The following CLIC5 variants were observed in gnomAD, a reference collection of about 807,000 sequenced individuals.
The protein encoded by CLIC5 is CLIC family member 5.
CLIC5 carries 20 observed loss-of-function variants against 24.7 expected under a neutral mutation model. That is an observed-to-expected ratio of 0.81 (90% confidence interval 0.57 to 1.18). The LOEUF (loss-of-function observed/expected upper bound fraction) is 1.18, where lower values mean the gene tolerates loss of function less well. Among genes scored for constraint, CLIC5 ranks in the 50% most tolerant of loss-of-function variants. The probability of loss-of-function intolerance (pLI) is 0.00; values close to 1 mark genes in which losing one functional copy is unlikely to be tolerated. For synonymous variants in CLIC5, 159 were observed against 135.6 expected (o/e 1.17, Z -1.20); for missense variants, 341 against 326.1 (o/e 1.05, Z -0.35).
chr6:45,913,263 A>G (rs1762885942), intron 5 of CLIC5, among the ~76,000 whole-genome samples: 1 of 152,208 alleles, frequency 6.6e-6, no homozygotes, highest in Non-Finnish European at 1.5e-5. Flanking sequence ...CGTAAAATAG[A>G]GCACAGTATG....
intron 3 of CLIC5, 30 bp downstream of exon 3, chr6:45,949,226 C>A: frequency 1.2e-6 from 2 of 1,604,644 alleles, no homozygotes; most frequent in Non-Finnish European, 1.7e-6. Flanking sequence ...CCTTCCCATT[C>A]AACAGCCCCA....
At chr6:45,958,736 C>T (rs1764751332) in intron 1 of CLIC5, among the ~76,000 whole-genome samples, 2 of 151,442 alleles carry the variant, frequency 1.3e-5, no homozygotes, top group South Asian at 4.2e-4. Context: ...TTCATGTGAG[C>T]TCTCTCCATA....
At chr6:45,912,211 G>A in intron 5 of CLIC5, 1 of 987,696 alleles carries the variant, frequency 1.0e-6, no homozygotes, top group Non-Finnish European at 1.2e-6. Context: ...AACTTTAGAG[G>A]TTTGCCAGGT....
chr6:45,905,317 A>G (rs1437386086), intron 5 of CLIC5, among the ~76,000 whole-genome samples: 3 of 152,208 alleles, frequency 2.0e-5, no homozygotes, highest in Admixed American at 1.3e-4. Flanking sequence ...TGACTGAACT[A>G]ATTTACATTC....
At chr6:46,092,654 T>C in the CLIC5 span, among the ~76,000 whole-genome samples, 1 of 150,694 alleles carries the variant, frequency 6.6e-6, no homozygotes, top group African/African-American at 2.4e-5. Flanking sequence ...TGTGTGTGTA[T>C]ACATATCTGT....
At chr6:46,010,720 T>C (rs79241874) in intron 1 of CLIC5, among the ~76,000 whole-genome samples, 9,382 of 152,206 alleles carry the variant, frequency 0.062, 465 homozygotes, top group African/African-American at 0.14. Context: ...ACTTCAAATA[T>C]GCATCATACA....
the CLIC5 span, among the ~76,000 whole-genome samples, chr6:46,096,639 G>C: frequency 6.6e-6 from 1 of 152,192 alleles, no homozygotes; most frequent in Non-Finnish European, 1.5e-5. Flanking sequence ...AGATGCAAGA[G>C]AGCATACTCC....
chr6:45,949,200 T>A (rs1310196723), intron 3 of CLIC5, 56 bp downstream of exon 3: 2 of 1,570,362 alleles, frequency 1.3e-6, no homozygotes, highest in Non-Finnish European at 1.7e-6. Flanking sequence ...CAGGACTTTA[T>A]AGATCCAGCA....
chr6:46,120,611 G>A, the CLIC5 span, among the ~76,000 whole-genome samples: 3 of 152,206 alleles, frequency 2.0e-5, no homozygotes, highest in Non-Finnish European at 4.4e-5. Context: ...AGAGAAGAAG[G>A]CTTCAGATGA....
At chr6:45,997,906 G>C (rs1766209880) in intron 1 of CLIC5, among the ~76,000 whole-genome samples, 1 of 152,224 alleles carries the variant, frequency 6.6e-6, no homozygotes, top group African/African-American at 2.4e-5. Context: ...TTAAGCCCAG[G>C]ACCCAGCAGG....
chr6:46,013,521 A>G (rs1332773320), intron 1 of CLIC5, among the ~76,000 whole-genome samples: 1 of 152,202 alleles, frequency 6.6e-6, no homozygotes, highest in East Asian at 1.9e-4. Flanking sequence ...TCTCCCCATC[A>G]ATCTGGTTTT....
intron 4 of CLIC5, among the ~76,000 whole-genome samples, chr6:45,929,833 C>T (rs1763657918): frequency 6.6e-6 from 1 of 152,202 alleles, no homozygotes; most frequent in African/African-American, 2.4e-5. Flanking sequence ...GAGCATGCTA[C>T]AGGGTAATTA....
intron 6 of CLIC5, among the ~76,000 whole-genome samples, chr6:45,886,595 C>T (rs1169772164): frequency 1.3e-5 from 2 of 152,078 alleles, no homozygotes; most frequent in Non-Finnish European, 2.9e-5. Context: ...AGCCAAGTGC[C>T]CCAATGCCAA....
chr6:45,962,707 C>A (rs185816849), intron 1 of CLIC5, among the ~76,000 whole-genome samples: 1 of 152,154 alleles, frequency 6.6e-6, no homozygotes, highest in East Asian at 1.9e-4. Context: ...GTGTACATGT[C>A]CCCTCCCAAA....
chr6:45,928,147 T>C (rs1763574986), intron 4 of CLIC5, among the ~76,000 whole-genome samples: 1 of 152,154 alleles, frequency 6.6e-6, no homozygotes, highest in African/African-American at 2.4e-5. Context: ...AAGCCAAAGT[T>C]CCATGTAGCA....
chr6:46,074,050 T>C (rs1221768532), intron 1 of CLIC5, among the ~76,000 whole-genome samples: 1 of 152,166 alleles, frequency 6.6e-6, no homozygotes, highest in South Asian at 2.1e-4. Flanking sequence ...CCACAGATCA[T>C]AGCAGAAAAG....
intron 1 of CLIC5, among the ~76,000 whole-genome samples, chr6:46,002,219 G>T (rs561103353): frequency 6.7e-6 from 1 of 149,272 alleles, no homozygotes; most frequent in Admixed American, 6.8e-5. Flanking sequence ...CACATTTATA[G>T]TGCCTAGTGA....
chr6:46,002,201 T>C (rs146501057), intron 1 of CLIC5, among the ~76,000 whole-genome samples: 435 of 152,234 alleles, frequency 2.9e-3, no homozygotes, highest in African/African-American at 0.01. Context: ...AGATTTATTG[T>C]TATATCTCAC....
intron 1 of CLIC5, among the ~76,000 whole-genome samples, chr6:46,078,704 A>G (rs1411240286): frequency 1.3e-5 from 2 of 152,226 alleles, no homozygotes; most frequent in African/African-American, 2.4e-5. Context: ...TGTGTGAACC[A>G]AGCACTATAC....
Sources: gnomAD v4.1 joint callset for allele counts (sites outside exome capture counted in the v4.1 genomes callset) on GRCh38, gnomAD v4.1.1 for gene constraint, MANE v1.5 for transcripts, NCBI Gene and HGNC (gene_info 2026-07-23, HGNC 2026-07-21) for gene names.